The following MARCHF6 variants were observed in gnomAD, a reference collection of about 807,000 sequenced individuals.
MARCHF6 encodes the protein membrane associated ring-CH-type finger 6, also known as E3 ubiquitin-protein ligase MARCHF6.
MARCHF6 carries 31 observed loss-of-function variants against 133.7 expected under a neutral mutation model. The observed-to-expected ratio is 0.23, with a 90% CI of 0.17 to 0.31. MARCHF6 has a LOEUF of 0.31. MARCHF6 is among the 10% of genes least tolerant of loss of function. The pLI, the probability that MARCHF6 is intolerant of heterozygous loss-of-function variation, is 1.00. For synonymous variants in MARCHF6, 395 were observed against 402.5 expected (o/e 0.98, Z 0.22); for missense variants, 723 against 1,121.6 (o/e 0.64, Z 5.08).
intron 12 of MARCHF6, 30 bp from the exon 13 acceptor site, chr5:10,402,354 A>C: frequency 3.8e-6 from 6 of 1,584,762 alleles, no homozygotes; most frequent in Non-Finnish European, 4.3e-6. Flanking sequence ...ACCTTTAAAT[A>C]CTCAGTTTTT....
At chr5:10,408,067 A>G (rs951989137) in intron 17 of MARCHF6, among the ~76,000 whole-genome samples, 2 of 151,708 alleles carry the variant, frequency 1.3e-5, no homozygotes, top group Non-Finnish European at 2.9e-5. Flanking sequence ...CATTATCCCA[A>G]TTGCAGGCAA....
Position 10,390,326 on chromosome 5 carries a change from TAATAG to T in MARCHF6, c.408-5_408-1del. The T allele has an allele frequency of 6.2e-7, 1 of 1,610,324 alleles. No individual in the cohort carries two copies. The highest frequency in any genetic ancestry group is 8.5e-7 in the Non-Finnish European group (1 of 1,178,498). ...GAGTAATTATATGTACTTTTTTTTT[TAATAG>T]GGAAAATTTGTTGGCAGATTGTTTG... On this transcript the variant is annotated splice_acceptor_variant and splice_polypyrimidine_tract_variant and intron_variant, in intron 5 of 25. Transcript: ENST00000274140. LOFTEE classifies it high-confidence loss of function.
At chr5:10,368,228 T>A (rs1001943120) in intron 1 of MARCHF6, among the ~76,000 whole-genome samples, 3 of 152,258 alleles carry the variant, frequency 2.0e-5, no homozygotes, top group African/African-American at 7.2e-5. Context: ...ATAGTCGTAC[T>A]TGCTTCATGT....
chr5:10,408,975 T>C (rs1739074077), intron 17 of MARCHF6, among the ~76,000 whole-genome samples: 1 of 152,220 alleles, frequency 6.6e-6, no homozygotes, highest in African/African-American at 2.4e-5. Flanking sequence ...TCTCTGTCTC[T>C]CTTTTTTTAA....
At chr5:10,393,065 C>CT (rs35906142) in intron 7 of MARCHF6, among the ~76,000 whole-genome samples, 51 of 151,054 alleles carry the variant, frequency 3.4e-4, no homozygotes, top group Middle Eastern at 6.9e-3. Flanking sequence ...ATTAATTTAC[C>CT]TTTTTTTTTG....
chr5:10,416,609 G>A (rs57843922), intron 21 of MARCHF6, among the ~76,000 whole-genome samples: 2 of 152,126 alleles, frequency 1.3e-5, no homozygotes, highest in African/African-American at 2.4e-5. Context: ...GTTGAAACAG[G>A]TGTGTTTTCT....
chr5:10,364,991 C>T (rs916771544), intron 1 of MARCHF6, among the ~76,000 whole-genome samples: 1 of 151,322 alleles, frequency 6.6e-6, no homozygotes, highest in Non-Finnish European at 1.5e-5. Flanking sequence ...TTAGTAGAGA[C>T]GGGGTTTCAC....
chr5:10,359,987 CAG>C (rs1561092563), intron 1 of MARCHF6, among the ~76,000 whole-genome samples: 1 of 151,752 alleles, frequency 6.6e-6, no homozygotes, highest in African/African-American at 2.4e-5. Context: ...GCCTGGGCAA[CAG>C]AGCAAGACTC....
chr5:10,358,493 A>G (rs1735616523), intron 1 of MARCHF6, among the ~76,000 whole-genome samples: 1 of 152,168 alleles, frequency 6.6e-6, no homozygotes, highest in Non-Finnish European at 1.5e-5. Context: ...TGTACTGAAC[A>G]TGTACAGCCT....
chr5:10,399,707 A>G (rs915376634), intron 10 of MARCHF6, among the ~76,000 whole-genome samples: 1 of 152,200 alleles, frequency 6.6e-6, no homozygotes, highest in Non-Finnish European at 1.5e-5. Context: ...TGTCCCTTAC[A>G]TACCATTTTG....
At chr5:10,420,271 A>G (rs1739760674) in intron 22 of MARCHF6, among the ~76,000 whole-genome samples, 1 of 152,220 alleles carries the variant, frequency 6.6e-6, no homozygotes. Flanking sequence ...TAAGCAAGTA[A>G]CAAATGTTGG....
intron 22 of MARCHF6, among the ~76,000 whole-genome samples, chr5:10,421,214 A>G (rs112965729): frequency 6.6e-6 from 1 of 152,250 alleles, no homozygotes; most frequent in African/African-American, 2.4e-5. Context: ...ACTGTGAGGC[A>G]TGAGCAAGGC....
At position 10,398,753 on chromosome 5, in the gene MARCHF6, A is replaced by T. The variant is rs533528346; in HGVS notation, c.913+1409A>T. On this transcript the variant is annotated intron_variant, in intron 10 of 25. Coordinates refer to ENST00000274140, the MANE Select transcript of MARCHF6 (RefSeq NM_005885.4). ...TCAAATCTAAGTAAAGCTTTTTCTA[A>T]TCCAACCTCCTGAGCTTATATTGCG... Among the ~76,000 whole-genome samples the T allele has an allele frequency of 7.2e-5, 11 of 152,320 alleles. No homozygotes were observed. The South Asian group carries it at 1.4e-3, about 20-fold the overall frequency.
intron 9 of MARCHF6, among the ~76,000 whole-genome samples, chr5:10,396,576 A>T (rs1450956617): frequency 6.6e-6 from 1 of 152,192 alleles, no homozygotes; most frequent in Admixed American, 6.5e-5. Context: ...CTTTGGACGG[A>T]TCATTTAACT....
Position 10,436,264 on chromosome 5 carries a change from A to G in MARCHF6, c.*2580A>G, listed in dbSNP as rs1740651200. The G allele has an allele frequency of 6.6e-6, 1 of 152,126 alleles. No homozygotes were observed. The highest frequency in any genetic ancestry group is 2.4e-5 in the African/African-American group (1 of 41,442). The allele number at this position is 152,126 out of a possible 1,614,324, so 9.4% of individuals were successfully genotyped here. A position where few individuals can be genotyped will look rare whatever the true frequency, so the allele number is the denominator to read the frequency against. On this transcript the variant is annotated 3_prime_UTR_variant, in exon 26 of 26. Transcript: ENST00000274140. ...TTGCCCTCCATTTTACTGGCAGGTAATTTATATTGTCTTACTTAAGAATTC... is the reference window on the plus strand; with the variant it reads ...TTGCCCTCCATTTTACTGGCAGGTAGTTTATATTGTCTTACTTAAGAATTC...
chr5:10,382,029 T>C, intron 4 of MARCHF6, 86 bp downstream of exon 4: 1 of 1,291,142 alleles, frequency 7.7e-7, no homozygotes, highest in Non-Finnish European at 1.1e-6. Context: ...ATATTATTAT[T>C]TGACTGATGT....
chr5:10,364,709 G>A (rs1402808506), intron 1 of MARCHF6, among the ~76,000 whole-genome samples: 2 of 152,186 alleles, frequency 1.3e-5, no homozygotes, highest in African/African-American at 2.4e-5. Context: ...CATGACTTGC[G>A]TATCTGTTAG....
chr5:10,356,044 G>A (rs906198295), intron 1 of MARCHF6, among the ~76,000 whole-genome samples: 2 of 152,140 alleles, frequency 1.3e-5, no homozygotes, highest in Non-Finnish European at 2.9e-5. Context: ...CAGTTTGGAA[G>A]TCTTCTGACA....
chr5:10,383,987 A>G (rs946179837), intron 4 of MARCHF6, among the ~76,000 whole-genome samples: 1 of 152,222 alleles, frequency 6.6e-6, no homozygotes, highest in African/African-American at 2.4e-5. Flanking sequence ...ATAACTACCC[A>G]GAACTGGACT....
Sources: gnomAD v4.1 joint callset for allele counts (sites outside exome capture counted in the v4.1 genomes callset) on GRCh38, gnomAD v4.1.1 for gene constraint, MANE v1.5 for transcripts, NCBI Gene and HGNC (gene_info 2026-07-23, HGNC 2026-07-21) for gene names.